The following WAC variants were observed in gnomAD, a reference collection of about 807,000 sequenced individuals.
WAC encodes WW domain-containing adapter protein with coiled-coil.
Under a neutral mutation model 79.6 loss-of-function variants are expected in WAC, and 11 were observed. The observed-to-expected ratio is 0.14, with a 90% CI of 0.09 to 0.23. The LOEUF (loss-of-function observed/expected upper bound fraction) is 0.23. WAC is among the 10% of genes least tolerant of loss of function. The pLI is 1.00. For missense variants in WAC, 728 were observed against 773.5 expected (o/e 0.94, Z 0.70); for synonymous variants, 304 against 276.9 (o/e 1.10, Z -0.97).
At chr10:28,541,434 T>TG (rs1837038975) in intron 3 of WAC, among the ~76,000 whole-genome samples, 3 of 142,704 alleles carry the variant, frequency 2.1e-5, no homozygotes, top group Admixed American at 1.4e-4. Flanking sequence ...TTTTTTTTTT[T>TG]TTTTTTTTTT....
intron 6 of WAC, among the ~76,000 whole-genome samples, chr10:28,594,315 G>T (rs1404919213): frequency 6.6e-6 from 1 of 152,148 alleles, no homozygotes; most frequent in East Asian, 1.9e-4. Context: ...GGTTGGGCAT[G>T]ATATTATTCC....
In WAC at chr10:28,545,580, C is replaced by T. The variant is rs137875921; in HGVS notation, c.274+9823C>T. Among the ~76,000 whole-genome samples the T allele has an allele frequency of 6.8e-3, 1,042 of 152,318 alleles. 10 individuals carry two copies. The highest frequency in any genetic ancestry group is 0.014 in the Middle Eastern group (4 of 294). On this transcript the variant is annotated intron_variant, in intron 3 of 13. Transcript: ENST00000354911. ...GAGAGTACACAGAAGGGAAGAGGAA[C>T]TCTGAAGTGGACATTAAGGAATGTG...
intron 6 of WAC, among the ~76,000 whole-genome samples, chr10:28,594,748 A>G: frequency 6.6e-6 from 1 of 152,222 alleles, no homozygotes; most frequent in South Asian, 2.1e-4. Context: ...GGCATCCTTT[A>G]GTAAAATTAT....
At chr10:28,569,520 T>G (rs918524662) in intron 3 of WAC, among the ~76,000 whole-genome samples, 1 of 152,244 alleles carries the variant, frequency 6.6e-6, no homozygotes, top group African/African-American at 2.4e-5. Context: ...AATTCTCTTA[T>G]TCTATTGTTT....
chr10:28,537,048 A>G (rs537572609), intron 3 of WAC, among the ~76,000 whole-genome samples: 1 of 152,358 alleles, frequency 6.6e-6, no homozygotes, highest in African/African-American at 2.4e-5. Flanking sequence ...ACTGAGAAAC[A>G]TTGGCTTCCT....
rs753403940 is a variant in WAC, at chr10:28,611,835, T to C, written c.1350T>C (p.Tyr450=). 5 of 1,614,060 alleles carry C rather than the reference T, an allele frequency of 3.1e-6. No homozygotes were observed. The highest frequency in any genetic ancestry group is 3.4e-6 in the Non-Finnish European group (4 of 1,180,042). ...CTGATGCGTCATCCCCAAGATCATA[T>C]GTTTCTCCAAGAATAAGCACACCTC... is the stretch of plus-strand genomic sequence containing the variant. The part of the protein sequence containing the change: ...LTSDASSPRS[Y]VSPRISTPQT... The change falls in exon 10 of 14, where the codon TAT becomes TAC. Residue 450 remains tyrosine (Y), a synonymous_variant. Coordinates refer to ENST00000354911, the MANE Select transcript of WAC (RefSeq NM_016628.5).
At chr10:28,548,481 T>C (rs1837488390) in intron 3 of WAC, among the ~76,000 whole-genome samples, 1 of 152,196 alleles carries the variant, frequency 6.6e-6, no homozygotes, top group Non-Finnish European at 1.5e-5. Flanking sequence ...TCTTGGCATC[T>C]TCTTTCAACC....
intron 3 of WAC, among the ~76,000 whole-genome samples, chr10:28,565,092 C>A (rs1838526375): frequency 1.6e-5 from 1 of 60,872 alleles, no homozygotes; most frequent in Non-Finnish European, 2.9e-5. Flanking sequence ...ATAGCATTAC[C>A]CTTTTGAAAT....
rs534149070 is a variant in WAC, at chr10:28,533,158, CCAG to C, written c.-420_-418del. On this transcript the variant is annotated 5_prime_UTR_variant, in exon 1 of 14. Transcript: ENST00000354911. ...AGTTGGTGGAGCGGCAGCGGCGGCA[CCAG>C]CGGCGGCGGCGGCGGCGGGAGGAGG... Among the ~76,000 whole-genome samples the C allele has an allele frequency of 5.4e-3, 820 of 151,414 alleles. 7 individuals carry two copies. Among genetic ancestry groups the C allele is most frequent in the Middle Eastern group, 0.031 (9 of 292 alleles).
chr10:28,589,965 C>G (rs1564404423), intron 5 of WAC, 114 bp downstream of exon 5: 8 of 719,048 alleles, frequency 1.1e-5, no homozygotes, highest in Non-Finnish European at 1.8e-5. Flanking sequence ...CCCATCTACA[C>G]TTTTTAGTTG....
intron 2 of WAC, among the ~76,000 whole-genome samples, chr10:28,534,993 C>G (rs1032501615): frequency 9.2e-5 from 14 of 152,096 alleles, no homozygotes; most frequent in Non-Finnish European, 1.5e-4. Flanking sequence ...AGAAATAGTA[C>G]TCACATTAGT....
In WAC at chr10:28,563,744, C is replaced by CTTTTTTTTTTTTTTTTTTTTTTTTT. The variant is rs71281550; in HGVS notation, c.275-19650_275-19626dup. ...ACAAGTGCATGCTGCCTACACCCAG[C>CTTTTTTTTTTTTTTTTTTTTTTTTT]TTTTTTTTTTTTTTTTTTTTTTTTT... On this transcript the variant is annotated intron_variant, in intron 3 of 13. Coordinates refer to ENST00000354911, the MANE Select transcript of WAC (RefSeq NM_016628.5). Among the ~76,000 whole-genome samples the CTTTTTTTTTTTTTTTTTTTTTTTTT allele has an allele frequency of 6.0e-4, 41 of 67,908 alleles. 5 individuals carry two copies. Among genetic ancestry groups the CTTTTTTTTTTTTTTTTTTTTTTTTT allele is most frequent in the Admixed American group, 9.0e-4 (4 of 4,440 alleles). 44.6% of individuals were successfully genotyped at this position (67,908 alleles called of 152,430 possible). A position where few individuals can be genotyped will look rare whatever the true frequency, so the allele number is the denominator to read the frequency against.
At chr10:28,604,887 A>T (rs1840861709) in intron 7 of WAC, among the ~76,000 whole-genome samples, 1 of 152,248 alleles carries the variant, frequency 6.6e-6, no homozygotes, top group South Asian at 2.1e-4. Context: ...CTTTAAATAT[A>T]AAACTTCTAC....
chr10:28,590,975 C>A, intron 6 of WAC, 143 bp downstream of exon 6: 1 of 736,970 alleles, frequency 1.4e-6, no homozygotes, highest in Non-Finnish European at 2.2e-6. Flanking sequence ...TTTATTATAC[C>A]CTCCACCATT....
chr10:28,572,646 A>G lies in WAC; in HGVS notation c.275-10753A>G, dbSNP rs547940146. 4.5e-4 allele frequency among the ~76,000 whole-genome samples: 69 copies of G among 152,162 alleles called. No individual in the cohort carries two copies. The South Asian group carries it at 0.013, about 29-fold the overall frequency. On this transcript the variant is annotated intron_variant, in intron 3 of 13. Transcript: ENST00000354911. ...GGCAATATGGTGAAACCCCGTCTCTACTAAAAATACAAAAATTAGCCTGGC... is the reference window on the plus strand; with the variant it reads ...GGCAATATGGTGAAACCCCGTCTCTGCTAAAAATACAAAAATTAGCCTGGC...
chr10:28,607,370 C>G (rs983376442), intron 7 of WAC, among the ~76,000 whole-genome samples: 3 of 152,204 alleles, frequency 2.0e-5, no homozygotes, highest in South Asian at 2.1e-4. Context: ...ATGGAATCTT[C>G]AGGATTTATG....
chr10:28,613,176 T>C (rs1017445959), intron 10 of WAC, among the ~76,000 whole-genome samples: 4 of 152,132 alleles, frequency 2.6e-5, no homozygotes, highest in Non-Finnish European at 5.9e-5. Flanking sequence ...GAAACAAGCC[T>C]GGCCAACAGG....
At chr10:28,581,666 T>C (rs1161589501) in intron 3 of WAC, among the ~76,000 whole-genome samples, 4 of 152,258 alleles carry the variant, frequency 2.6e-5, no homozygotes, top group Middle Eastern at 3.4e-3. Flanking sequence ...GTGATGCTCA[T>C]GCTCCTGCCT....
intron 3 of WAC, 103 bp downstream of exon 3, chr10:28,535,860 A>G: frequency 5.1e-6 from 5 of 981,310 alleles, no homozygotes; most frequent in Non-Finnish European, 7.3e-6. Context: ...CTGTTCAGTT[A>G]TGTCATTAAA....
Sources: allele counts gnomAD v4.1 joint callset (sites outside exome capture counted in the v4.1 genomes callset), GRCh38; gene constraint gnomAD v4.1.1; transcripts MANE v1.5; gene names NCBI Gene and HGNC (gene_info 2026-07-23, HGNC 2026-07-21).